Variants in ATF7IP observed in about 807,000 individuals in gnomAD.
ATF7IP encodes activating transcription factor 7 interacting protein, also known as activating transcription factor 7-interacting protein 1.
A neutral mutation model predicts 106.4 loss-of-function variants in ATF7IP; 23 were observed. That is an observed-to-expected ratio of 0.22 (90% CI 0.16 to 0.31). ATF7IP has a LOEUF of 0.31. ATF7IP is among the 10% of genes least tolerant of loss of function. ATF7IP has a pLI of 1.00. For missense variants in ATF7IP, 1,334 were observed against 1,524.3 expected (o/e 0.88, Z 2.08); for synonymous variants, 542 against 539.0 (o/e 1.01, Z -0.08).
chr12:14,461,218 A>G, intron 9 of ATF7IP, 85 bp downstream of exon 9: 1 of 1,243,804 alleles, frequency 8.0e-7, no homozygotes, highest in East Asian at 2.4e-5. Flanking sequence ...CTAAGTGGCT[A>G]GCGTTATTGG....
In ATF7IP at chr12:14,500,565, T is replaced by C. The variant is rs1057491969; in HGVS notation, c.*2492T>C. 5.3e-5 allele frequency: 8 copies of C among 152,176 alleles called. No homozygotes were observed. Among genetic ancestry groups the C allele is most frequent in the African/African-American group, 1.9e-4 (8 of 41,434 alleles). 9.4% of individuals were successfully genotyped at this position (152,176 alleles called of 1,614,324 possible). ...ATGTATATGTTTTGACCTGCAGTGG[T>C]TGCAATGTTGATATGTGTTCAAGAT... On this transcript the variant is annotated 3_prime_UTR_variant, in exon 15 of 15. Transcript: ENST00000261168.
chr12:14,475,687 A>G (rs1944238037), intron 10 of ATF7IP, among the ~76,000 whole-genome samples: 1 of 152,176 alleles, frequency 6.6e-6, no homozygotes, highest in Non-Finnish European at 1.5e-5. Flanking sequence ...TTTGAAAATT[A>G]TATTTCATAT....
Position 14,496,296 on chromosome 12 carries a change from A to G in ATF7IP, c.3346A>G (p.Thr1116Ala). The change falls in exon 14 of 15, where the codon ACA (threonine) becomes GCA (alanine). Residue 1116 changes from threonine to alanine, a missense_variant. Coordinates refer to ENST00000261168, the MANE Select transcript of ATF7IP (RefSeq NM_018179.5). ...AAACAATGGACTAACCCTGGGATCA[A>G]CAGGACCTCAGCTCACAGTGCATCA... ...VVNNGLTLGS[T>A]GPQLTVHHRP... The G allele has an allele frequency of 6.2e-7, 1 of 1,614,056 alleles. No individual in the cohort carries two copies.
intron 14 of ATF7IP, 85 bp downstream of exon 14, chr12:14,496,428 T>C: frequency 1.1e-6 from 1 of 870,970 alleles, no homozygotes; most frequent in South Asian, 1.6e-5. Flanking sequence ...TTTAAAATGG[T>C]TATATCCAAG....
In ATF7IP at chr12:14,498,109, TCCA is replaced by T; in HGVS notation, c.*39_*41del. 6.6e-7 allele frequency: 1 copy of T among 1,520,882 alleles called. No homozygotes were observed. Among genetic ancestry groups the T allele is most frequent in the Non-Finnish European group, 8.8e-7 (1 of 1,134,638 alleles). The allele number at this position is 1,520,882 out of a possible 1,614,324, so 94.2% of individuals were successfully genotyped here. ...CTTTATATTTTCCTCTTTTAAAATTTCCACCTTTTGGTCTTGTTTTTAATCTTG... is the reference window on the plus strand; with the variant it reads ...CTTTATATTTTCCTCTTTTAAAATTTCCTTTTGGTCTTGTTTTTAATCTTG... On this transcript the variant is annotated 3_prime_UTR_variant, in exon 15 of 15. Transcript: ENST00000261168.
chr12:14,452,307 C>A (rs935804589), intron 6 of ATF7IP, among the ~76,000 whole-genome samples: 1 of 152,088 alleles, frequency 6.6e-6, no homozygotes, highest in African/African-American at 2.4e-5. Context: ...GTCAACCTGT[C>A]GTTTGATTGG....
rs755750746 is a variant in ATF7IP, at chr12:14,425,458, G to A, written c.1543G>A (p.Glu515Lys). The A allele has an allele frequency of 3.9e-6, 6 of 1,554,708 alleles. No individual in the cohort carries two copies. The Admixed American group carries it at 1.3e-4, about 33-fold the overall frequency. Residue 515 changes from glutamate (E) to lysine (K), a missense_variant, in exon 2 of 15, where the codon GAA becomes AAA. Glu to Lys is a moderately conservative substitution (Grantham distance 56, BLOSUM62 1). Coordinates refer to ENST00000261168, the MANE Select transcript of ATF7IP (RefSeq NM_018179.5). ...KDESEVISQN[E>K]TCSPAEVESN... ...TGAGTCTGAAGTTATATCGCAAAAT[G>A]AAACGTGCTCTCCAGGTTAGCATAT...
chr12:14,367,969 A>G (rs1022102738), intron 1 of ATF7IP, among the ~76,000 whole-genome samples: 2 of 152,100 alleles, frequency 1.3e-5, no homozygotes, highest in African/African-American at 4.8e-5. Context: ...ATGAATACCA[A>G]GTTACTGAAG....
chr12:14,478,402 A>G lies in ATF7IP; in HGVS notation c.3027A>G (p.Ala1009=). ...GACCATTGCAACCCATACAACCAGC[A>G]CCGCCTCTTCAACCATCTGGGGTGC... The part of the protein sequence containing the change: ...VSRPLQPIQP[A]PPLQPSGVPT... The change falls in exon 12 of 15, where the codon GCA becomes GCG. Residue 1009 remains alanine (A), a synonymous_variant. Transcript: ENST00000261168. 6.2e-7 allele frequency: 1 copy of G among 1,614,044 alleles called. No individual in the cohort carries two copies. The highest frequency in any genetic ancestry group is 1.1e-5 in the South Asian group (1 of 91,080).
intron 5 of ATF7IP, among the ~76,000 whole-genome samples, chr12:14,438,810 T>C (rs1199861594): frequency 6.6e-6 from 1 of 152,166 alleles, no homozygotes; most frequent in East Asian, 1.9e-4. Flanking sequence ...AGTTTAGACT[T>C]CAATATGTGA....
At chr12:14,465,473 A>G (rs1376970267) in intron 9 of ATF7IP, among the ~76,000 whole-genome samples, 1 of 151,802 alleles carries the variant, frequency 6.6e-6, no homozygotes, top group Non-Finnish European at 1.5e-5. Context: ...TTAGTCTTTC[A>G]GGAACTTCAT....
intron 1 of ATF7IP, among the ~76,000 whole-genome samples, chr12:14,366,569 C>T (rs943016295): frequency 6.6e-6 from 1 of 152,086 alleles, no homozygotes; most frequent in Non-Finnish European, 1.5e-5. Context: ...ATGTTTGATC[C>T]TAAGTAAATA....
intron 1 of ATF7IP, among the ~76,000 whole-genome samples, chr12:14,388,329 C>T (rs1416312248): frequency 1.3e-5 from 2 of 151,660 alleles, no homozygotes; most frequent in African/African-American, 4.8e-5. Flanking sequence ...GGATTACAGG[C>T]GTGAGCCACT....
chr12:14,367,803 A>T (rs1169299176), intron 1 of ATF7IP, among the ~76,000 whole-genome samples: 2 of 152,072 alleles, frequency 1.3e-5, no homozygotes, highest in Non-Finnish European at 2.9e-5. Flanking sequence ...ATGTAAACTT[A>T]ATAAGATTAA....
intron 6 of ATF7IP, 99 bp downstream of exon 6, chr12:14,447,152 T>G: frequency 1.0e-6 from 1 of 969,754 alleles, no homozygotes. Context: ...ATCTGAAATT[T>G]GCTTTCATAC....
intron 13 of ATF7IP, among the ~76,000 whole-genome samples, chr12:14,487,348 C>T (rs1176249046): frequency 6.6e-6 from 1 of 151,940 alleles, no homozygotes; most frequent in Non-Finnish European, 1.5e-5. Flanking sequence ...CACCTTCAAC[C>T]TCACCTCTAG....
chr12:14,483,418 G>A (rs1459011166), intron 13 of ATF7IP, among the ~76,000 whole-genome samples: 1 of 151,988 alleles, frequency 6.6e-6, no homozygotes, highest in Non-Finnish European at 1.5e-5. Flanking sequence ...TAACTCCTTC[G>A]CTAGCCTGTT....
chr12:14,467,774 C>T (rs1471096752), intron 10 of ATF7IP, among the ~76,000 whole-genome samples: 3 of 151,452 alleles, frequency 2.0e-5, no homozygotes, highest in Non-Finnish European at 4.4e-5. Flanking sequence ...TAGAGCTGTG[C>T]TATCTAATAT....
intron 1 of ATF7IP, among the ~76,000 whole-genome samples, chr12:14,395,976 AT>A (rs1404492690): frequency 2.6e-5 from 4 of 152,206 alleles, no homozygotes; most frequent in Admixed American, 2.6e-4. Context: ...AAAATATAAA[AT>A]TCCATTGCAA....
Sources: allele counts gnomAD v4.1 joint callset (sites outside exome capture counted in the v4.1 genomes callset), GRCh38; gene constraint gnomAD v4.1.1; transcripts MANE v1.5; gene names NCBI Gene and HGNC (gene_info 2026-07-23, HGNC 2026-07-21).